Variants in FANCL observed in about 807,000 individuals in gnomAD.
FANCL encodes the protein FA complementation group L.
FANCL carries 69 observed loss-of-function variants against 59.4 expected under a neutral mutation model. The ratio of observed to expected loss-of-function variants is 1.16; its 90% CI spans 0.96 to 1.42. The LOEUF is 1.42. Among genes scored for constraint, FANCL ranks in the 40% most tolerant of loss-of-function variants. The pLI is 0.00. For synonymous variants in FANCL, 180 were observed against 147.1 expected (o/e 1.22, Z -1.62); for missense variants, 519 against 447.2 (o/e 1.16, Z -1.45).
At chr2:58,232,006 T>A in intron 2 of FANCL, 48 bp downstream of exon 2, 1 of 1,500,666 alleles carries the variant, frequency 6.7e-7, no homozygotes, top group South Asian at 1.1e-5. Context: ...GTACTGCCTG[T>A]CCCACCAAAA....
intron 7 of FANCL, among the ~76,000 whole-genome samples, chr2:58,193,768 T>C (rs973010485): frequency 6.6e-6 from 1 of 152,140 alleles, no homozygotes; most frequent in Non-Finnish European, 1.5e-5. Flanking sequence ...ACTAGGGGAT[T>C]TGCCCCAACA....
intron 1 of FANCL, among the ~76,000 whole-genome samples, chr2:58,235,299 G>C (rs1693913638): frequency 6.6e-6 from 1 of 152,082 alleles, no homozygotes; most frequent in African/African-American, 2.4e-5. Context: ...TACAGGAACA[G>C]TCTGCAAAAC....
chr2:58,160,405 T>A (rs1214668420), intron 12 of FANCL, among the ~76,000 whole-genome samples: 2 of 151,990 alleles, frequency 1.3e-5, no homozygotes, highest in Non-Finnish European at 2.9e-5. Context: ...AAACCACTGG[T>A]TTATAACCAG....
At chr2:58,198,752 G>C in intron 6 of FANCL, 90 bp from the exon 7 acceptor site, 1 of 1,010,790 alleles carries the variant, frequency 9.9e-7, no homozygotes, top group South Asian at 1.3e-5. Context: ...ATTAGGGGCC[G>C]GGCGCGGTGG....
At chr2:58,217,151 ATATATTTATATATTTT>A (rs1691822727) in intron 5 of FANCL, among the ~76,000 whole-genome samples, 1 of 88,656 alleles carries the variant, frequency 1.1e-5, no homozygotes, top group Non-Finnish European at 2.5e-5. Flanking sequence ...AGATTTATAT[ATATATTTATATATTTT>A]ATATATATAT....
At chr2:58,228,515 T>C (rs996827687) in intron 3 of FANCL, among the ~76,000 whole-genome samples, 2 of 152,214 alleles carry the variant, frequency 1.3e-5, no homozygotes, top group Non-Finnish European at 2.9e-5. Flanking sequence ...GTAAACAAAG[T>C]TTTATTGGCA....
intron 7 of FANCL, among the ~76,000 whole-genome samples, chr2:58,191,277 A>T (rs1012424890): frequency 6.6e-6 from 1 of 151,894 alleles, no homozygotes; most frequent in Admixed American, 6.6e-5. Flanking sequence ...TTTTTATCCA[A>T]AAGTATTTTA....
chr2:58,236,258 T>C (rs1396262601), intron 1 of FANCL, among the ~76,000 whole-genome samples: 3 of 151,912 alleles, frequency 2.0e-5, no homozygotes, highest in South Asian at 2.1e-4. Context: ...AAAAAAATAT[T>C]CTATTTACAG....
intron 1 of FANCL, among the ~76,000 whole-genome samples, chr2:58,235,714 G>T (rs1693951206): frequency 3.3e-5 from 5 of 151,968 alleles, no homozygotes; most frequent in Admixed American, 3.3e-4. Context: ...TGGCACAGAT[G>T]ATAAACCTGA....
intron 6 of FANCL, among the ~76,000 whole-genome samples, chr2:58,200,426 C>G (rs1183888033): frequency 6.6e-6 from 1 of 151,976 alleles, no homozygotes. Context: ...TGTCAAAATT[C>G]TTTAAAAATA....
intron 5 of FANCL, among the ~76,000 whole-genome samples, chr2:58,209,108 A>G (rs1379457133): frequency 2.6e-5 from 4 of 152,220 alleles, no homozygotes. Context: ...TTTGTAGCCC[A>G]AAATGCTTCA....
intron 3 of FANCL, among the ~76,000 whole-genome samples, chr2:58,227,932 A>G (rs192494792): frequency 1.7e-3 from 241 of 143,008 alleles, no homozygotes; most frequent in Non-Finnish European, 2.3e-3. Flanking sequence ...GGAGGAAGAG[A>G]AAAAAAAAGA....
chr2:58,183,529 C>G (rs1192271433), intron 7 of FANCL, among the ~76,000 whole-genome samples: 1 of 151,922 alleles, frequency 6.6e-6, no homozygotes, highest in Non-Finnish European at 1.5e-5. Context: ...TCTTAATCCA[C>G]TGCAGAATAA....
intron 4 of FANCL, 85 bp downstream of exon 4, chr2:58,226,640 CTAA>C (rs1329237911): frequency 5.3e-6 from 5 of 946,182 alleles, no homozygotes; most frequent in Non-Finnish European, 8.4e-6. Context: ...AAGACAAATT[CTAA>C]TAATGTCAGT....
intron 3 of FANCL, among the ~76,000 whole-genome samples, chr2:58,227,384 T>A (rs1323464887): frequency 6.6e-6 from 1 of 152,146 alleles, no homozygotes; most frequent in Non-Finnish European, 1.5e-5. Flanking sequence ...TTGGATCACA[T>A]GTGGGCTTGG....
chr2:58,217,675 C>T (rs188252592), intron 5 of FANCL, among the ~76,000 whole-genome samples: 1 of 151,962 alleles, frequency 6.6e-6, no homozygotes, highest in Admixed American at 6.6e-5. Context: ...TACCCAATAA[C>T]ATGACTGCAA....
At chr2:58,177,072 CACA>C (rs1687404185) in intron 7 of FANCL, among the ~76,000 whole-genome samples, 2 of 152,244 alleles carry the variant, frequency 1.3e-5, no homozygotes, top group South Asian at 2.1e-4. Context: ...AAATCAAAAC[CACA>C]ACGAGATATC....
chr2:58,225,758 T>C (rs1171062745), intron 4 of FANCL, among the ~76,000 whole-genome samples: 1 of 151,930 alleles, frequency 6.6e-6, no homozygotes, highest in African/African-American at 2.4e-5. Context: ...ACAAGCCAAA[T>C]CCAGAATGTA....
At position 58,163,511 on chromosome 2, in the gene FANCL, T is replaced by C. The variant is rs1462359994; in HGVS notation, c.698A>G (p.Asn233Ser). ...GTCTACCTCTATATTTATGGAAACA[T>C]TATTACCTAGAATGAAACAAGATTA... ...ATARRIALGN[N>S]VSINIEVDPR... The change falls in exon 9 of 14, where the codon AAT (asparagine) becomes AGT (serine). Residue 233 changes from asparagine to serine, a missense_variant. Coordinates refer to ENST00000233741, the MANE Select transcript of FANCL (RefSeq NM_018062.4). 6.3e-7 allele frequency: 1 copy of C among 1,585,222 alleles called. No individual in the cohort carries two copies. Among genetic ancestry groups the C allele is most frequent in the African/African-American group, 1.3e-5 (1 of 74,282 alleles).
Sources: allele counts gnomAD v4.1 joint callset (sites outside exome capture counted in the v4.1 genomes callset), GRCh38; gene constraint gnomAD v4.1.1; transcripts MANE v1.5; gene names NCBI Gene and HGNC (gene_info 2026-07-23, HGNC 2026-07-21).